Variants in STMN2 observed in about 807,000 individuals in gnomAD.
The protein encoded by STMN2 is stathmin-2.
In STMN2, 2 loss-of-function variants were observed where a neutral mutation model predicts 24.1. The ratio of observed to expected loss-of-function variants is 0.08; its 90% CI spans 0.03 to 0.26. The LOEUF (loss-of-function observed/expected upper bound fraction) is 0.26, where lower values mean the gene tolerates loss of function less well. Ranked by LOEUF, STMN2 falls within the 10% of genes least tolerant of loss-of-function variation. STMN2 has a pLI of 1.00. For synonymous variants in STMN2, 83 were observed against 77.5 expected, an observed-to-expected ratio of 1.07 and a Z score of -0.37; for missense variants, 114 against 213.6, an observed-to-expected ratio of 0.53 and a Z score of 2.91.
intron 1 of STMN2, among the ~76,000 whole-genome samples, chr8:79,613,055 A>T (rs955612686): frequency 2.6e-5 from 4 of 151,470 alleles, no homozygotes; most frequent in Non-Finnish European, 5.9e-5. Context: ...CCCGGGCGCG[A>T]GACCGCAGAG....
At chr8:79,649,586 C>T (rs1269368954) in intron 3 of STMN2, among the ~76,000 whole-genome samples, 1 of 152,026 alleles carries the variant, frequency 6.6e-6, no homozygotes, top group Non-Finnish European at 1.5e-5. Flanking sequence ...ACATCACCTA[C>T]CCTACTTGTG....
rs561695605 is a variant in STMN2 at position 79,628,705 on chromosome 8, C to G, written c.20-8097C>G. On this transcript the variant is annotated intron_variant, in intron 1 of 4. Coordinates refer to ENST00000220876, the MANE Select transcript of STMN2 (RefSeq NM_007029.4). ...AACTGCTGGACATTAATATGCCTTCCTTTGAGAACTGTGTATACAGGAGAA... is the reference window on the plus strand; with the variant it reads ...AACTGCTGGACATTAATATGCCTTCGTTTGAGAACTGTGTATACAGGAGAA... 3.9e-5 allele frequency among the ~76,000 whole-genome samples: 6 copies of G among 152,226 alleles called. No homozygotes were observed. In the South Asian group the frequency reaches 8.3e-4, roughly 21 times the overall value.
intron 1 of STMN2, among the ~76,000 whole-genome samples, chr8:79,613,253 C>T (rs1158801682): frequency 6.6e-6 from 1 of 152,122 alleles, no homozygotes; most frequent in Admixed American, 6.5e-5. Flanking sequence ...CGGGGCGCGG[C>T]TCGGCCCCAC....
intron 3 of STMN2, among the ~76,000 whole-genome samples, chr8:79,647,222 C>A (rs1177646626): frequency 6.6e-6 from 1 of 152,064 alleles, no homozygotes; most frequent in Non-Finnish European, 1.5e-5. Flanking sequence ...TGATTATAAT[C>A]AAAGGAATCT....
chr8:79,635,897 TA>T (rs1809936704), intron 1 of STMN2, among the ~76,000 whole-genome samples: 1 of 150,808 alleles, frequency 6.6e-6, no homozygotes. Flanking sequence ...GTATCTAAAA[TA>T]AAACTTGAAA....
chr8:79,640,025 C>T (rs963477312), intron 2 of STMN2, among the ~76,000 whole-genome samples: 1 of 152,136 alleles, frequency 6.6e-6, no homozygotes, highest in African/African-American at 2.4e-5. Context: ...CATGCTGAAA[C>T]CTTGCCTCTA....
intron 1 of STMN2, among the ~76,000 whole-genome samples, chr8:79,629,009 G>A (rs1420200066): frequency 2.0e-5 from 3 of 152,156 alleles, no homozygotes; most frequent in African/African-American, 4.8e-5. Flanking sequence ...GTTTGAGGAA[G>A]TGACATTTGA....
intron 2 of STMN2, among the ~76,000 whole-genome samples, chr8:79,638,170 C>G (rs1442881099): frequency 6.6e-6 from 1 of 152,184 alleles, no homozygotes; most frequent in Non-Finnish European, 1.5e-5. Flanking sequence ...CACTGAGGAT[C>G]CAGAGTTCCA....
At chr8:79,636,763 A>G (rs916197956) in intron 1 of STMN2, 39 bp from the exon 2 acceptor site, 1 of 1,585,176 alleles carries the variant, frequency 6.3e-7, no homozygotes, top group Non-Finnish European at 8.6e-7. Context: ...AGAAATTCAG[A>G]AAAAATGAAA....
chr8:79,655,556 G>T (rs1055061255), intron 4 of STMN2, among the ~76,000 whole-genome samples: 3 of 152,056 alleles, frequency 2.0e-5, no homozygotes, highest in African/African-American at 7.2e-5. Context: ...CCATTCTAGG[G>T]TATAATAGCA....
intron 1 of STMN2, among the ~76,000 whole-genome samples, chr8:79,632,092 C>G (rs1391194069): frequency 6.6e-6 from 1 of 152,208 alleles, no homozygotes; most frequent in Admixed American, 6.5e-5. Context: ...CCTTTTAAAT[C>G]CTGGCACCAG....
intron 3 of STMN2, among the ~76,000 whole-genome samples, chr8:79,647,210 C>G (rs537598771): frequency 8.5e-4 from 130 of 152,202 alleles, no homozygotes; most frequent in African/African-American, 3.0e-3. Context: ...ATTATCTTAC[C>G]ATGATTATAA....
At chr8:79,655,796 A>G (rs181441538) in intron 4 of STMN2, among the ~76,000 whole-genome samples, 51 of 152,326 alleles carry the variant, frequency 3.3e-4, no homozygotes, top group Non-Finnish European at 6.0e-4. Flanking sequence ...TATAGCTGTG[A>G]GTAGTTTAGC....
At position 79,654,482 on chromosome 8, in the gene STMN2, A is replaced by C. The variant is rs190148491; in HGVS notation, c.289-389A>C. ...AAAACAATGGATCAGGAAGAAGATC[A>C]GAACTTGTCTCAGTCCTCAACTGTT... On this transcript the variant is annotated intron_variant, in intron 3 of 4. Transcript: ENST00000220876. 2.6e-3 allele frequency among the ~76,000 whole-genome samples: 394 copies of C among 152,362 alleles called. 8 individuals carry two copies. The highest frequency in any genetic ancestry group is 9.3e-4 in the Non-Finnish European group (63 of 68,038).
intron 1 of STMN2, among the ~76,000 whole-genome samples, chr8:79,634,004 A>T (rs372421258): frequency 2.0e-5 from 3 of 152,334 alleles, no homozygotes. Context: ...TTCATCTGTT[A>T]CTACTTTGTG....
At chr8:79,618,241 A>G (rs184735269) in intron 1 of STMN2, among the ~76,000 whole-genome samples, 128 of 152,340 alleles carry the variant, frequency 8.4e-4, no homozygotes, top group African/African-American at 3.0e-3. Flanking sequence ...GCTTATTCAA[A>G]TAATTGCCAT....
intron 3 of STMN2, among the ~76,000 whole-genome samples, chr8:79,647,279 C>G (rs1302825350): frequency 6.6e-6 from 1 of 152,144 alleles, no homozygotes; most frequent in Non-Finnish European, 1.5e-5. Flanking sequence ...CAGTATTGCA[C>G]TAAATTGACA....
intron 1 of STMN2, among the ~76,000 whole-genome samples, chr8:79,620,749 T>C (rs1242218792): frequency 6.6e-6 from 1 of 151,890 alleles, no homozygotes; most frequent in Non-Finnish European, 1.5e-5. Context: ...ATTTAATGAG[T>C]CCATCAACCA....
rs1809473147 is a variant in STMN2, at chr8:79,619,971, A to T, written c.19+8757A>T. Among the ~76,000 whole-genome samples, 3 of 151,902 alleles carry T rather than the reference A, an allele frequency of 2.0e-5. No individual in the cohort carries two copies. The South Asian group carries it at 6.2e-4, about 31-fold the overall frequency. On this transcript the variant is annotated intron_variant, in intron 1 of 4. Transcript: ENST00000220876. ...ATGTTCAAAAGAAAAATTAAATCGC[A>T]TGATCTATCTATATGGGACCTTGTC...
Sources: gnomAD v4.1 joint callset for allele counts (sites outside exome capture counted in the v4.1 genomes callset) on GRCh38, gnomAD v4.1.1 for gene constraint, MANE v1.5 for transcripts, NCBI Gene and HGNC (gene_info 2026-07-23, HGNC 2026-07-21) for gene names.